Variants in MAN1A2 observed in about 807,000 individuals in gnomAD.
The protein encoded by MAN1A2 is mannosyl-oligosaccharide 1,2-alpha-mannosidase IB.
A neutral mutation model predicts 75.7 loss-of-function variants in MAN1A2; 26 were observed. The ratio of observed to expected loss-of-function variants is 0.34; its 90% confidence interval spans 0.25 to 0.48. The LOEUF (loss-of-function observed/expected upper bound fraction) is 0.48. Among genes scored for constraint, MAN1A2 ranks in the 20% least tolerant of loss-of-function variants. The pLI is 0.99. For synonymous variants in MAN1A2, 247 were observed against 264.6 expected (o/e 0.93, Z 0.65); for missense variants, 562 against 775.5 (o/e 0.72, Z 3.27).
chr1:117,452,141 T>A (rs1406006666), intron 6 of MAN1A2, among the ~76,000 whole-genome samples: 1 of 151,082 alleles, frequency 6.6e-6, no homozygotes, highest in Non-Finnish European at 1.5e-5. Context: ...ACCCCATCTT[T>A]ACTAAAAATA....
chr1:117,492,118 C>T (rs1248889715), intron 8 of MAN1A2, among the ~76,000 whole-genome samples: 1 of 152,020 alleles, frequency 6.6e-6, no homozygotes, highest in Non-Finnish European at 1.5e-5. Context: ...AGAGTGGCCT[C>T]CAAGTTTGAA....
chr1:117,444,154 G>C (rs778480005), intron 6 of MAN1A2, among the ~76,000 whole-genome samples: 1 of 152,102 alleles, frequency 6.6e-6, no homozygotes, highest in East Asian at 1.9e-4. Flanking sequence ...ATGGAAATAC[G>C]ATTCCAGGTT....
chr1:117,478,345 T>C (rs1274442670), intron 8 of MAN1A2, among the ~76,000 whole-genome samples: 1 of 151,998 alleles, frequency 6.6e-6, no homozygotes, highest in Non-Finnish European at 1.5e-5. Context: ...ATATCAGATA[T>C]ATTCTTGGAA....
At chr1:117,430,297 G>A (rs1422199030) in intron 5 of MAN1A2, among the ~76,000 whole-genome samples, 3 of 134,200 alleles carry the variant, frequency 2.2e-5, no homozygotes, top group East Asian at 2.1e-4. Context: ...GCGGCTGGTC[G>A]GGCGGGGGGC....
intron 2 of MAN1A2, among the ~76,000 whole-genome samples, chr1:117,403,901 T>G (rs1647525401): frequency 6.6e-6 from 1 of 152,212 alleles, no homozygotes; most frequent in Non-Finnish European, 1.5e-5. Flanking sequence ...GTGTCAACTG[T>G]AGGTTTTTTA....
intron 8 of MAN1A2, among the ~76,000 whole-genome samples, chr1:117,490,996 A>G (rs549735324): frequency 1.3e-4 from 20 of 152,206 alleles, no homozygotes; most frequent in African/African-American, 4.3e-4. Context: ...TTTGAGGCTT[A>G]CAGAGGTTGG....
At chr1:117,447,441 G>A (rs1243102973) in intron 6 of MAN1A2, among the ~76,000 whole-genome samples, 1 of 152,088 alleles carries the variant, frequency 6.6e-6, no homozygotes, top group African/African-American at 2.4e-5. Context: ...AATGGTGTGT[G>A]TGTGTATGTG....
At chr1:117,521,927 G>A (rs777510669) in intron 12 of MAN1A2, among the ~76,000 whole-genome samples, 35 of 151,910 alleles carry the variant, frequency 2.3e-4, no homozygotes, top group Non-Finnish European at 3.8e-4. Flanking sequence ...AAGTAAATCA[G>A]GAATGGAAAA....
chr1:117,479,244 G>A (rs1419227043), intron 8 of MAN1A2, among the ~76,000 whole-genome samples: 1 of 151,856 alleles, frequency 6.6e-6, no homozygotes, highest in African/African-American at 2.4e-5. Context: ...ATGGCTTCCA[G>A]CTCCAGCCAT....
At chr1:117,484,299 C>T (rs1334510991) in intron 8 of MAN1A2, among the ~76,000 whole-genome samples, 4 of 151,956 alleles carry the variant, frequency 2.6e-5, no homozygotes, top group Admixed American at 1.3e-4. Flanking sequence ...TGTCTGTTTA[C>T]AAGATGAATA....
At chr1:117,511,055 A>G (rs1041279365) in intron 12 of MAN1A2, among the ~76,000 whole-genome samples, 1 of 152,036 alleles carries the variant, frequency 6.6e-6, no homozygotes, top group African/African-American at 2.4e-5. Context: ...ATAACTGGGG[A>G]AGCCTCAGGA....
chr1:117,422,976 G>A (rs1431053544), intron 5 of MAN1A2, among the ~76,000 whole-genome samples: 1 of 152,050 alleles, frequency 6.6e-6, no homozygotes, highest in Non-Finnish European at 1.5e-5. Flanking sequence ...TTTAAGAAAT[G>A]TTTGCCTAAT....
chr1:117,505,059 A>G (rs574265414), intron 12 of MAN1A2, among the ~76,000 whole-genome samples: 5 of 151,558 alleles, frequency 3.3e-5, no homozygotes, highest in Admixed American at 6.6e-5. Context: ...TGAGACTGTG[A>G]ATATTCTTTT....
chr1:117,462,880 C>A (rs374856821), intron 7 of MAN1A2, among the ~76,000 whole-genome samples: 1 of 152,014 alleles, frequency 6.6e-6, no homozygotes, highest in Non-Finnish European at 1.5e-5. Flanking sequence ...ACAGATACAT[C>A]TGGGATATGG....
At chr1:117,486,333 T>C (rs745423036) in intron 8 of MAN1A2, among the ~76,000 whole-genome samples, 9 of 151,986 alleles carry the variant, frequency 5.9e-5, no homozygotes, top group Non-Finnish European at 1.3e-4. Flanking sequence ...TTTTGTGGGA[T>C]ACATGGAAGG....
chr1:117,409,939 T>C (rs1647751465), intron 3 of MAN1A2, among the ~76,000 whole-genome samples: 1 of 151,968 alleles, frequency 6.6e-6, no homozygotes, highest in Non-Finnish European at 1.5e-5. Flanking sequence ...GGAGGATTGG[T>C]TTCAGGACTC....
chr1:117,511,522 C>T (rs1182791486), intron 12 of MAN1A2, among the ~76,000 whole-genome samples: 1 of 151,920 alleles, frequency 6.6e-6, no homozygotes, highest in Non-Finnish European at 1.5e-5. Context: ...ATGTAAGCCT[C>T]ATAGCCGTAG....
intron 3 of MAN1A2, among the ~76,000 whole-genome samples, chr1:117,408,634 C>G (rs1647698970): frequency 6.6e-6 from 1 of 152,094 alleles, no homozygotes; most frequent in Non-Finnish European, 1.5e-5. Flanking sequence ...GTTTTGATAT[C>G]AGAGTAATGC....
chr1:117,456,026 A>T (rs1649571252), intron 6 of MAN1A2, among the ~76,000 whole-genome samples: 1 of 152,096 alleles, frequency 6.6e-6, no homozygotes, highest in Admixed American at 6.6e-5. Flanking sequence ...TTTCAGCTTT[A>T]CTTGTAGACT....
Sources: allele counts gnomAD v4.1 joint callset (sites outside exome capture counted in the v4.1 genomes callset), GRCh38; gene constraint gnomAD v4.1.1; transcripts MANE v1.5; gene names NCBI Gene and HGNC (gene_info 2026-07-23, HGNC 2026-07-21).